The following FLRT1 variants were observed in gnomAD, a reference collection of about 807,000 sequenced individuals.
FLRT1 encodes fibronectin leucine rich transmembrane protein 1.
Under a neutral mutation model 30.9 loss-of-function variants are expected in FLRT1, and 14 were observed. The ratio of observed to expected loss-of-function variants is 0.45; its 90% CI spans 0.30 to 0.71. FLRT1 has a LOEUF of 0.71. Among genes scored for constraint, FLRT1 ranks in the 30% least tolerant of loss-of-function variants. The probability of loss-of-function intolerance (pLI) is 0.08; values close to 1 mark genes in which losing one functional copy is unlikely to be tolerated. For synonymous variants in FLRT1, 368 were observed against 430.4 expected (o/e 0.85, Z 1.80); for missense variants, 737 against 949.2 (o/e 0.78, Z 2.94).
chr11:64,046,811 T>C (rs1054200027), intron 1 of FLRT1, among the ~76,000 whole-genome samples: 1 of 152,152 alleles, frequency 6.6e-6, no homozygotes, highest in Non-Finnish European at 1.5e-5. Context: ...GCCCGTTCTT[T>C]AAGCTGTGGA....
chr11:64,064,299 A>C lies in FLRT1; in HGVS notation c.-1038+28140A>C, dbSNP rs1943956271. Among the ~76,000 whole-genome samples the C allele has an allele frequency of 6.6e-6, 1 of 152,186 alleles. No homozygotes were observed. The highest frequency in any genetic ancestry group is 1.5e-5 in the Non-Finnish European group (1 of 68,032). On this transcript the variant is annotated intron_variant, in intron 1 of 2. Coordinates refer to ENST00000682287, the MANE Select transcript of FLRT1 (RefSeq NM_013280.5). This position sits in a 1 kb window ranked among gnomAD's most constrained non-coding sequence, Gnocchi z 4.5. ...GTAGTCTCCACGTGCAGCCCTGTTC[A>C]GGCGGCGGGTAGGGGGGTGATGTCT...
In FLRT1 at chr11:64,036,037, C is replaced by T. The variant is rs1943373630; in HGVS notation, c.-1160C>T. 6.6e-6 allele frequency: 1 copy of T among 151,416 alleles called. No individual in the cohort carries two copies. The highest frequency in any genetic ancestry group is 1.5e-5 in the Non-Finnish European group (1 of 67,810). The allele number at this position is 151,416 out of a possible 1,614,324, so 9.4% of individuals were successfully genotyped here. A position where few individuals can be genotyped will look rare whatever the true frequency, so the allele number is the denominator to read the frequency against. On this transcript the variant is annotated 5_prime_UTR_variant, in exon 1 of 3. Transcript: ENST00000682287. This position sits in a 1 kb window ranked among gnomAD's most constrained non-coding sequence, Gnocchi z 5.6. Reference sequence around the variant, plus strand: ...GCTCTGCCGCGCGCCGGGGGCTCCTCTCCCGGGCCCCCCTGGGCGCCCTCC... The same window carrying T: ...GCTCTGCCGCGCGCCGGGGGCTCCTTTCCCGGGCCCCCCTGGGCGCCCTCC...
At chr11:64,070,049 C>A (rs1944078388) in intron 1 of FLRT1, among the ~76,000 whole-genome samples, 1 of 152,136 alleles carries the variant, frequency 6.6e-6, no homozygotes, top group South Asian at 2.1e-4. Flanking sequence ...AGGCTCTGTG[C>A]TAAGCACTCC....
At chr11:64,087,163 A>T (rs1944409534) in intron 1 of FLRT1, 1 of 152,206 alleles carries the variant, frequency 6.6e-6, no homozygotes, top group Admixed American at 6.5e-5. Flanking sequence ...CATTAAAATA[A>T]ATGACGGCAC....
chr11:64,070,805 G>A (rs1429060680), intron 1 of FLRT1, among the ~76,000 whole-genome samples: 3 of 152,214 alleles, frequency 2.0e-5, no homozygotes, highest in Non-Finnish European at 2.9e-5. Context: ...GAGACGAGGC[G>A]TGAACAATAA....
Position 64,117,500 on chromosome 11 carries a change from C to T in FLRT1, c.1233C>T (p.Thr411=), listed in dbSNP as rs780366357. 26 of 1,610,288 alleles carry T rather than the reference C, an allele frequency of 1.6e-5. No homozygotes were observed. The Middle Eastern group carries it at 6.6e-4, about 41-fold the overall frequency. Residue 411 remains threonine (T), a synonymous_variant, in exon 3 of 3, where the codon ACC becomes ACT. Coordinates refer to ENST00000682287, the MANE Select transcript of FLRT1 (RefSeq NM_013280.5). ...SATTPQGSLF[T]LKAKRPGLRL... is the part of the protein sequence containing the mutation. ...CCACGCCCCAGGGTTCCCTGTTTAC[C>T]CTCAAGGCCAAAAGGCCAGGGCTGC... is the stretch of plus-strand genomic sequence containing the variant.
At chr11:64,108,384 C>T (rs145236429) in intron 2 of FLRT1, among the ~76,000 whole-genome samples, 68 of 152,022 alleles carry the variant, frequency 4.5e-4, no homozygotes, top group Admixed American at 5.9e-4. Context: ...TTGAGCCAGG[C>T]AGACCACTGG....
rs1302566401 is a variant in FLRT1, at chr11:64,090,813, GCAGAAGCAGAGCC to G, written c.-1037-12379_-1037-12367del. Among the ~76,000 whole-genome samples, 1 of 151,998 alleles carries G rather than the reference GCAGAAGCAGAGCC, an allele frequency of 6.6e-6. No individual in the cohort carries two copies. The highest frequency in any genetic ancestry group is 2.4e-5 in the African/African-American group (1 of 41,400). ...ACTTGGGGTTTGTCTCTGGGGCTCT[GCAGAAGCAGAGCC>G]CGAGTCGGGTCCAGCCCTGCACTCC... On this transcript the variant is annotated intron_variant, in intron 1 of 2. Transcript: ENST00000682287. The surrounding 1 kb of genome is among the most constrained non-coding windows in gnomAD (Gnocchi z 4.7).
intron 1 of FLRT1, among the ~76,000 whole-genome samples, chr11:64,086,355 A>C (rs771438343): frequency 9.2e-5 from 14 of 151,922 alleles, no homozygotes; most frequent in Non-Finnish European, 1.9e-4. Context: ...TGTGAATCTT[A>C]CATATGCATA....
intron 2 of FLRT1, among the ~76,000 whole-genome samples, chr11:64,111,148 C>T (rs562908824): frequency 3.3e-5 from 5 of 152,350 alleles, no homozygotes; most frequent in Admixed American, 2.0e-4. Flanking sequence ...GCTGAGCGGG[C>T]GCTGGGAACA....
At chr11:64,108,669 T>C (rs1426836456) in intron 2 of FLRT1, among the ~76,000 whole-genome samples, 1 of 152,226 alleles carries the variant, frequency 6.6e-6, no homozygotes, top group Non-Finnish European at 1.5e-5. Flanking sequence ...CCTTTCCCGC[T>C]CTGGGGCTGA....
intron 1 of FLRT1, among the ~76,000 whole-genome samples, chr11:64,080,202 G>C (rs977687890): frequency 6.6e-6 from 1 of 152,084 alleles, no homozygotes; most frequent in African/African-American, 2.4e-5. Context: ...TAGTAGAGAC[G>C]GGGTATCAAC....
intron 1 of FLRT1, among the ~76,000 whole-genome samples, chr11:64,077,676 G>A (rs1034491821): frequency 4.6e-5 from 7 of 152,154 alleles, no homozygotes; most frequent in East Asian, 1.9e-4. Flanking sequence ...CCCACCTGCC[G>A]TGCCCCCTTG....
chr11:64,043,971 G>A (rs1270678652), intron 1 of FLRT1, among the ~76,000 whole-genome samples: 6 of 151,970 alleles, frequency 3.9e-5, no homozygotes, highest in African/African-American at 9.7e-5. Context: ...CCGCCACCAC[G>A]CCGGGCTAAT....
chr11:64,109,539 C>T (rs1249820327), intron 2 of FLRT1, among the ~76,000 whole-genome samples: 1 of 151,976 alleles, frequency 6.6e-6, no homozygotes, highest in African/African-American at 2.4e-5. Context: ...CAGGACTTCT[C>T]AGGGGTGGGA....
chr11:64,066,117 T>TG (rs1944000805), intron 1 of FLRT1, among the ~76,000 whole-genome samples: 1 of 151,298 alleles, frequency 6.6e-6, no homozygotes, highest in Admixed American at 6.6e-5. Context: ...GCCAACATGG[T>TG]GAAACCCTGT....
chr11:64,050,660 C>T (rs1943676099), intron 1 of FLRT1, among the ~76,000 whole-genome samples: 1 of 152,242 alleles, frequency 6.6e-6, no homozygotes, highest in Non-Finnish European at 1.5e-5. Flanking sequence ...CTCTTGTCGC[C>T]CAGGCTGGAG....
In FLRT1 at chr11:64,116,261, A is replaced by G; in HGVS notation, c.-7A>G. ...CAGGTGGGGCCGGACGCCCCCAGCC[A>G]TCCACCATGGTGGTGGCACACCCCA... On this transcript the variant is annotated 5_prime_UTR_variant, in exon 3 of 3. Transcript: ENST00000682287. 6.3e-7 allele frequency: 1 copy of G among 1,593,074 alleles called. No individual in the cohort carries two copies. Among genetic ancestry groups the G allele is most frequent in the South Asian group, 1.1e-5 (1 of 89,978 alleles).
Position 64,096,850 on chromosome 11 carries a change from T to G in FLRT1, c.-1037-6344T>G, listed in dbSNP as rs1417531241. Among the ~76,000 whole-genome samples, 1 of 152,204 alleles carries G rather than the reference T, an allele frequency of 6.6e-6. No individual in the cohort carries two copies. Among genetic ancestry groups the G allele is most frequent in the Non-Finnish European group, 1.5e-5 (1 of 68,030 alleles). On this transcript the variant is annotated intron_variant, in intron 1 of 2. Transcript: ENST00000682287. This position sits in a 1 kb window ranked among gnomAD's most constrained non-coding sequence, Gnocchi z 4.6. ...TACCCTCCAAGCACACTGCCAGCTG[T>G]GTCCCTTCGAGGGCCTCCCCCGGCA...
Sources: gnomAD v4.1 joint callset for allele counts (sites outside exome capture counted in the v4.1 genomes callset) on GRCh38, gnomAD v4.1.1 for gene constraint, Gnocchi (gnomAD v3.1) non-coding constraint, MANE v1.5 for transcripts, NCBI Gene and HGNC (gene_info 2026-07-23, HGNC 2026-07-21) for gene names.